Variants in CSMD1 observed in about 807,000 individuals in gnomAD.
The protein encoded by CSMD1 is CUB and Sushi multiple domains 1, also known as CUB and sushi domain-containing protein 1.
A neutral mutation model predicts 417.5 loss-of-function variants in CSMD1; 213 were observed. The ratio of observed to expected loss-of-function variants is 0.51; its 90% CI spans 0.46 to 0.57. The LOEUF (loss-of-function observed/expected upper bound fraction) is 0.57, where lower values mean the gene tolerates loss of function less well. CSMD1 is among the 20% of genes least tolerant of loss of function. CSMD1 has a pLI of 0.00. For missense variants in CSMD1, 6,923 were observed against 4,529.7 expected (o/e 1.53, Z -15.17); for synonymous variants, 2,862 against 1,736.8 (o/e 1.65, Z -16.11).
chr8:3,751,299 A>AGTGTGT (rs67753470), intron 6 of CSMD1, among the ~76,000 whole-genome samples: 4,504 of 140,178 alleles, frequency 0.032, 73 homozygotes, highest in East Asian at 0.051. Context: ...ATACAATTGA[A>AGTGTGT]GTGTGTGTGT....
intron 1 of CSMD1, among the ~76,000 whole-genome samples, chr8:4,854,448 C>T (rs564111193): frequency 6.6e-6 from 1 of 152,278 alleles, no homozygotes; most frequent in South Asian, 2.1e-4. Flanking sequence ...GTCTACAGCT[C>T]CCACTGTGAG....
rs187825038 is a variant in CSMD1 at position 3,471,848 on chromosome 8, A to C, written c.1449-3024T>G. ...TAAACATACTGTTTTAATATTACAC[A>C]GTTAAAGAAGAATGTGGGCATAGCC... is the stretch of plus-strand genomic sequence containing the variant. On this transcript the variant is annotated intron_variant, in intron 11 of 69. Transcript: ENST00000635120. Among the ~76,000 whole-genome samples the C allele has an allele frequency of 4.3e-3, 654 of 152,298 alleles. 2 individuals carry two copies. Among genetic ancestry groups the C allele is most frequent in the Admixed American group, 7.1e-3 (109 of 15,292 alleles).
At chr8:4,569,977 C>A (rs1009480711) in intron 2 of CSMD1, among the ~76,000 whole-genome samples, 3 of 152,132 alleles carry the variant, frequency 2.0e-5, no homozygotes, top group African/African-American at 7.2e-5. Context: ...GTGATTTTTG[C>A]ACATTGATTT....
chr8:4,042,026 T>C (rs769374590), intron 3 of CSMD1, among the ~76,000 whole-genome samples: 1 of 151,996 alleles, frequency 6.6e-6, no homozygotes, highest in Admixed American at 6.5e-5. Flanking sequence ...AGAGAATCAA[T>C]GAACTTTGGG....
At chr8:3,753,416 G>A (rs989617886) in intron 6 of CSMD1, among the ~76,000 whole-genome samples, 1 of 152,144 alleles carries the variant, frequency 6.6e-6, no homozygotes, top group Non-Finnish European at 1.5e-5. Context: ...CTGTCCTAAT[G>A]ACTACAGACT....
intron 1 of CSMD1, among the ~76,000 whole-genome samples, chr8:4,962,065 C>G (rs1289696488): frequency 2.0e-5 from 3 of 150,134 alleles, no homozygotes; most frequent in South Asian, 2.1e-4. Context: ...TCCATTATAT[C>G]TATTTTCTTT....
intron 23 of CSMD1, among the ~76,000 whole-genome samples, chr8:3,317,359 T>A (rs1036657927): frequency 1.3e-5 from 2 of 152,224 alleles, no homozygotes; most frequent in Admixed American, 1.3e-4. Context: ...TTAGACATCC[T>A]AACAAATAGT....
intron 3 of CSMD1, among the ~76,000 whole-genome samples, chr8:4,328,506 C>A (rs1346502123): frequency 6.6e-6 from 1 of 151,900 alleles, no homozygotes; most frequent in Non-Finnish European, 1.5e-5. Flanking sequence ...ACTCCTCCTG[C>A]TTTTTTGGTA....
At chr8:3,100,542 G>A (rs1198166424) in intron 46 of CSMD1, among the ~76,000 whole-genome samples, 1 of 152,178 alleles carries the variant, frequency 6.6e-6, no homozygotes, top group East Asian at 1.9e-4. Flanking sequence ...GAAAACAACT[G>A]TGTCTCCACT....
intron 4 of CSMD1, among the ~76,000 whole-genome samples, chr8:4,010,216 A>G (rs1816439325): frequency 6.6e-6 from 1 of 151,994 alleles, no homozygotes; most frequent in Admixed American, 6.6e-5. Context: ...GTGCCCACCC[A>G]CATGCATCTC....
intron 2 of CSMD1, among the ~76,000 whole-genome samples, chr8:4,628,662 C>A (rs1563348560): frequency 1.3e-5 from 2 of 151,538 alleles, no homozygotes; most frequent in Non-Finnish European, 3.0e-5. Flanking sequence ...CTAAAATGGC[C>A]TACTGTTTCT....
chr8:3,784,348 T>A (rs189116538), intron 5 of CSMD1, among the ~76,000 whole-genome samples: 37 of 152,308 alleles, frequency 2.4e-4, no homozygotes, highest in African/African-American at 8.7e-4. Context: ...AGTTGTTCTA[T>A]TGAAAAAATG....
intron 1 of CSMD1, among the ~76,000 whole-genome samples, chr8:4,844,859 C>T (rs1001836603): frequency 3.9e-5 from 6 of 152,086 alleles, no homozygotes; most frequent in Non-Finnish European, 8.8e-5. Context: ...AAGAGATATG[C>T]CAGTACTACA....
intron 1 of CSMD1, among the ~76,000 whole-genome samples, chr8:4,895,802 A>T (rs1429610699): frequency 1.3e-5 from 2 of 152,106 alleles, no homozygotes; most frequent in African/African-American, 4.8e-5. Context: ...TAAGCTGTAC[A>T]GCTGCTCCTA....
At chr8:3,069,330 G>A (rs2128997552) in intron 49 of CSMD1, among the ~76,000 whole-genome samples, 1 of 152,038 alleles carries the variant, frequency 6.6e-6, no homozygotes, top group African/African-American at 2.4e-5. Context: ...AGCTACTCGG[G>A]AGGCTAAGGC....
intron 8 of CSMD1, among the ~76,000 whole-genome samples, chr8:3,606,929 C>T (rs1024710919): frequency 2.0e-5 from 3 of 152,000 alleles, no homozygotes; most frequent in Non-Finnish European, 2.9e-5. Flanking sequence ...CCAGGATGGT[C>T]TCGATCTCTT....
intron 5 of CSMD1, among the ~76,000 whole-genome samples, chr8:3,754,583 T>G (rs1026922469): frequency 2.0e-5 from 3 of 152,102 alleles, no homozygotes; most frequent in Admixed American, 1.3e-4. Flanking sequence ...GCCTCCTGAG[T>G]AGCTGGGATT....
chr8:3,895,939 C>G (rs1353432357), intron 5 of CSMD1, among the ~76,000 whole-genome samples: 2 of 152,200 alleles, frequency 1.3e-5, no homozygotes, highest in African/African-American at 4.8e-5. Context: ...CCAATAGGCA[C>G]TTTAGGTCCC....
intron 3 of CSMD1, among the ~76,000 whole-genome samples, chr8:4,068,018 T>G (rs1208028495): frequency 2.0e-5 from 3 of 151,938 alleles, no homozygotes; most frequent in Non-Finnish European, 4.4e-5. Context: ...GGGGCGAAGG[T>G]TGCAGTGAGC....
Sources: allele counts gnomAD v4.1 joint callset (sites outside exome capture counted in the v4.1 genomes callset), GRCh38; gene constraint gnomAD v4.1.1; transcripts MANE v1.5; gene names NCBI Gene and HGNC (gene_info 2026-07-23, HGNC 2026-07-21).